The following MBTPS1 variants were observed in gnomAD, a reference collection of about 807,000 sequenced individuals.
MBTPS1 encodes the protein membrane bound transcription factor peptidase, site 1.
A neutral mutation model predicts 127.8 loss-of-function variants in MBTPS1; 94 were observed. The ratio of observed to expected loss-of-function variants is 0.74; its 90% CI spans 0.62 to 0.87. The LOEUF (loss-of-function observed/expected upper bound fraction) is 0.87. Ranked by LOEUF, MBTPS1 falls within the 40% of genes least tolerant of loss-of-function variation. The pLI is 0.00. For synonymous variants in MBTPS1, 632 were observed against 509.4 expected, an observed-to-expected ratio of 1.24 and a Z score of -3.24; for missense variants, 1,636 against 1,353.2, an observed-to-expected ratio of 1.21 and a Z score of -3.28.
At chr16:84,110,130 T>C (rs775824716) in intron 1 of MBTPS1, among the ~76,000 whole-genome samples, 182 of 152,232 alleles carry the variant, frequency 1.2e-3, no homozygotes, top group Admixed American at 5.1e-3. Flanking sequence ...AAGCCTCTTA[T>C]TCAGATTCAG....
At chr16:84,068,627 G>A (rs1392986654) in intron 14 of MBTPS1, among the ~76,000 whole-genome samples, 173 bp from the exon 15 acceptor site, 1 of 152,212 alleles carries the variant, frequency 6.6e-6, no homozygotes, top group East Asian at 1.9e-4. Context: ...GCTCTGGTCT[G>A]GACACACGGA....
At chr16:84,112,593 C>T (rs1259937262) in intron 1 of MBTPS1, among the ~76,000 whole-genome samples, 2 of 143,732 alleles carry the variant, frequency 1.4e-5, no homozygotes, top group African/African-American at 5.2e-5. Flanking sequence ...ATCTGGGAGG[C>T]GGAGCTTCCA....
chr16:84,110,567 A>C (rs2086384222), intron 1 of MBTPS1: 1 of 152,266 alleles, frequency 6.6e-6, no homozygotes. Context: ...AATCCAAAAT[A>C]AGAAAAACAC....
At chr16:84,112,053 T>A (rs2086405030) in intron 1 of MBTPS1, among the ~76,000 whole-genome samples, 1 of 151,730 alleles carries the variant, frequency 6.6e-6, no homozygotes, top group Admixed American at 6.6e-5. Flanking sequence ...ATACAAAAAA[T>A]TAGCTGTGCA....
intron 11 of MBTPS1, among the ~76,000 whole-genome samples, chr16:84,078,370 A>T (rs1286238879): frequency 9.9e-6 from 1 of 101,232 alleles, no homozygotes; most frequent in Non-Finnish European, 2.0e-5. Flanking sequence ...GAGCTACCCG[A>T]TGCTCTCAAC....
chr16:84,061,738 C>G (rs1363165761), intron 19 of MBTPS1: 1 of 152,230 alleles, frequency 6.6e-6, no homozygotes, highest in Non-Finnish European at 1.5e-5. Context: ...GGGCTAGCAA[C>G]AGCTCCCGTT....
chr16:84,057,060 C>T (rs1292980400), intron 21 of MBTPS1: 12 of 152,192 alleles, frequency 7.9e-5, no homozygotes, highest in Admixed American at 7.9e-4. Flanking sequence ...AAAGCAAAGA[C>T]GTCCAGTCCT....
chr16:84,099,190 C>A lies in MBTPS1; in HGVS notation c.284G>T (p.Ser95Ile). 1.2e-6 allele frequency: 2 copies of A among 1,614,200 alleles called. No individual in the cohort carries two copies. The highest frequency in any genetic ancestry group is 1.7e-6 in the Non-Finnish European group (2 of 1,180,046). The change falls in exon 3 of 23, where the codon AGT becomes ATT. Residue 95 changes from serine (S) to isoleucine (I), a missense_variant. Coordinates refer to ENST00000343411, the MANE Select transcript of MBTPS1 (RefSeq NM_003791.4). ...CACCTCAAAATCACTAGGGTAGTCA[C>A]TGGATGGATTGTTTCGAGGTATAAT... ...WRIIPRNNPSSDYPSDFEVIQ... is the reference protein window; with the variant it reads ...WRIIPRNNPSIDYPSDFEVIQ...
chr16:84,101,909 GCCCA>G lies in MBTPS1; in HGVS notation c.-130_-127del. On this transcript the variant is annotated 5_prime_UTR_variant, in exon 2 of 23. It removes the in-frame stop codon of an upstream open reading frame in the 5' UTR. Transcript: ENST00000343411. ...TACTAATCAGCCATCTTACAGTCTT[GCCCA>G]ACATAAATAAAAGTTAAATCCCATG... The G allele has an allele frequency of 1.1e-6, 1 of 871,232 alleles. No homozygotes were observed. Among genetic ancestry groups the G allele is most frequent in the Non-Finnish European group, 1.8e-6 (1 of 555,878 alleles). 54.0% of individuals were successfully genotyped at this position (871,232 alleles called of 1,614,324 possible). A position where few individuals can be genotyped will look rare whatever the true frequency, so the allele number is the denominator to read the frequency against.
At chr16:84,115,231 T>C (rs945444742) in intron 1 of MBTPS1, among the ~76,000 whole-genome samples, 7 of 152,202 alleles carry the variant, frequency 4.6e-5, no homozygotes, top group African/African-American at 1.7e-4. Context: ...CGGCCCAGCC[T>C]TCCTAGTTCT....
At chr16:84,079,456 C>T (rs567081601) in intron 11 of MBTPS1, among the ~76,000 whole-genome samples, 48 of 151,988 alleles carry the variant, frequency 3.2e-4, no homozygotes, top group Non-Finnish European at 5.6e-4. Flanking sequence ...TAAAAAGACA[C>T]CAAGGAAAGA....
chr16:84,098,659 G>C (rs1018379861), intron 3 of MBTPS1, among the ~76,000 whole-genome samples: 2 of 152,022 alleles, frequency 1.3e-5, no homozygotes, highest in Non-Finnish European at 2.9e-5. Context: ...CACACTGAGA[G>C]AAGCGAAATG....
chr16:84,108,616 T>G (rs2086357454), intron 1 of MBTPS1, among the ~76,000 whole-genome samples: 1 of 152,176 alleles, frequency 6.6e-6, no homozygotes, highest in African/African-American at 2.4e-5. Context: ...TCTTCTTCCC[T>G]TCCTGAAGAA....
intron 1 of MBTPS1, among the ~76,000 whole-genome samples, chr16:84,113,001 A>G (rs1174144106): frequency 6.6e-6 from 1 of 151,816 alleles, no homozygotes; most frequent in African/African-American, 2.4e-5. Flanking sequence ...AAAAGAATAA[A>G]TCATACTTTC....
Position 84,090,975 on chromosome 16 carries a change from C to T in MBTPS1, c.964-33G>A, listed in dbSNP as rs774920028. 17 of 1,356,276 alleles carry T rather than the reference C, an allele frequency of 1.3e-5. No homozygotes were observed. In the South Asian group the frequency reaches 1.4e-4, roughly 11 times the overall value. The allele number at this position is 1,356,276 out of a possible 1,614,324, so 84.0% of individuals were successfully genotyped here. A position where few individuals can be genotyped will look rare whatever the true frequency, so the allele number is the denominator to read the frequency against. ...AGGAGCATTTATTTAATGAAAGTATCCCTTTCATTAAACATATAACTGTCA... is the reference window on the plus strand; with the variant it reads ...AGGAGCATTTATTTAATGAAAGTATTCCTTTCATTAAACATATAACTGTCA... On this transcript the variant is annotated intron_variant, in intron 7 of 22. Transcript: ENST00000343411.
In MBTPS1 at chr16:84,085,098, T is replaced by C. The variant is rs914830188; in HGVS notation, c.1171A>G (p.Ile391Val). The C allele has an allele frequency of 1.2e-6, 2 of 1,614,010 alleles. No homozygotes were observed. Among genetic ancestry groups the C allele is most frequent in the African/African-American group, 1.3e-5 (1 of 74,910 alleles). ...PGGYGRMKPD[I>V]VTYGAGVRGS... is the part of the protein sequence containing the mutation. ...CGCACGCCAGCACCATAGGTGACAA[T>C]GTCAGGTTTCATGCGACCGTAGCCT... Residue 391 changes from isoleucine (I) to valine (V), a missense_variant, in exon 10 of 23, where the codon ATT becomes GTT. Ile to Val is a conservative substitution (Grantham distance 29, BLOSUM62 3). Transcript: ENST00000343411.
chr16:84,111,087 C>T lies in MBTPS1; in HGVS notation c.-325+5648G>A, dbSNP rs369178548. On this transcript the variant is annotated intron_variant, in intron 1 of 22. Coordinates refer to ENST00000343411, the MANE Select transcript of MBTPS1 (RefSeq NM_003791.4). ...CCTAGAACCTGGGAATGTTACTTTA[C>T]ACACAAAAGCATACAGGCCAAAGGG... is the stretch of plus-strand genomic sequence containing the variant. Among the ~76,000 whole-genome samples the T allele has an allele frequency of 1.5e-4, 23 of 152,336 alleles. No homozygotes were observed. In the South Asian group the frequency reaches 4.6e-3, roughly 30 times the overall value.
intron 8 of MBTPS1, among the ~76,000 whole-genome samples, chr16:84,088,659 CCA>C (rs765970058): frequency 6.6e-6 from 1 of 152,172 alleles, no homozygotes; most frequent in Non-Finnish European, 1.5e-5. Context: ...CTTGCTGGCA[CCA>C]CAGAGTCTAG....
rs1170817519 is a variant in MBTPS1, at chr16:84,055,804, A to C, written c.2962+201T>G. Among the ~76,000 whole-genome samples, 5 of 152,354 alleles carry C rather than the reference A, an allele frequency of 3.3e-5. No homozygotes were observed. The East Asian group carries it at 5.8e-4, about 18-fold the overall frequency. On this transcript the variant is annotated intron_variant, in intron 22 of 22. Transcript: ENST00000343411. Reference sequence around the variant, plus strand: ...AAATCTAGGTAGCATTTTCTAAGGGAAACAACAATCTCTTAATCTGTCAGG... The same window carrying C: ...AAATCTAGGTAGCATTTTCTAAGGGCAACAACAATCTCTTAATCTGTCAGG...
Sources: gnomAD v4.1 joint callset for allele counts (sites outside exome capture counted in the v4.1 genomes callset) on GRCh38, gnomAD v4.1.1 for gene constraint, MANE v1.5 for transcripts, NCBI Gene and HGNC (gene_info 2026-07-23, HGNC 2026-07-21) for gene names.